UGT1A7: variants seen among roughly 807,000 people sequenced by gnomAD.
UGT1A7 encodes the protein UDP glucuronosyltransferase family 1 member A7.
A neutral mutation model predicts 45.6 loss-of-function variants in UGT1A7; 33 were observed. That is an observed-to-expected ratio of 0.72 (90% CI 0.55 to 0.97). The LOEUF is 0.97. UGT1A7 is among the 50% of genes least tolerant of loss of function. UGT1A7 has a pLI of 0.00. For synonymous variants in UGT1A7, 274 were observed against 250.6 expected (o/e 1.09, Z -0.88); for missense variants, 684 against 666.2 (o/e 1.03, Z -0.29).
intron 1 of UGT1A7, among the ~76,000 whole-genome samples, chr2:233,730,768 A>G (rs1007690415): frequency 3.9e-5 from 6 of 152,134 alleles, no homozygotes; most frequent in African/African-American, 1.4e-4. Flanking sequence ...TGAATCTATA[A>G]GCCCAGTGAA....
chr2:233,682,819 A>G (rs773096125), intron 1 of UGT1A7, 27 bp downstream of exon 1: 27 of 1,578,360 alleles, frequency 1.7e-5, no homozygotes, highest in African/African-American at 4.1e-5. Flanking sequence ...TTAGCACATT[A>G]AGAATAATCT....
At chr2:233,700,272 A>T (rs1488856849) in intron 1 of UGT1A7, among the ~76,000 whole-genome samples, 1 of 152,218 alleles carries the variant, frequency 6.6e-6, no homozygotes, top group East Asian at 1.9e-4. Context: ...CTTAATAGGC[A>T]CTTTTTAAAA....
intron 1 of UGT1A7, among the ~76,000 whole-genome samples, chr2:233,745,130 TG>T (rs1693021871): frequency 6.6e-6 from 1 of 151,922 alleles, no homozygotes; most frequent in Admixed American, 6.5e-5. Flanking sequence ...AATCTGCAGA[TG>T]TGAAGCCCAA....
At chr2:233,723,413 C>T (rs1262463739) in intron 1 of UGT1A7, among the ~76,000 whole-genome samples, 1 of 133,572 alleles carries the variant, frequency 7.5e-6, no homozygotes, top group Non-Finnish European at 1.6e-5. Flanking sequence ...TTTCACCATA[C>T]TGGTCAGGCT....
intron 1 of UGT1A7, among the ~76,000 whole-genome samples, chr2:233,757,413 A>T (rs1189718931): frequency 6.6e-6 from 1 of 151,560 alleles, no homozygotes; most frequent in Non-Finnish European, 1.5e-5. Context: ...AGGGTCTAGA[A>T]CGAAAAGAGA....
chr2:233,686,882 T>A (rs1440121885), intron 1 of UGT1A7, among the ~76,000 whole-genome samples: 1 of 152,212 alleles, frequency 6.6e-6, no homozygotes, highest in Non-Finnish European at 1.5e-5. Context: ...TTTTTCTGCA[T>A]GATTCCTGCC....
Position 233,772,483 on chromosome 2 carries a change from G to C in UGT1A7, c.1517G>C (p.Cys506Ser). The change falls in exon 5 of 5, where the codon TGT (cysteine) becomes TCT (serine). Residue 506 changes from cysteine to serine, a missense_variant. Physicochemically the swap from Cys to Ser is moderately radical, Grantham distance 112. Transcript: ENST00000373426. ...ACAGTGGCCTTCATCACCTTTAAAT[G>C]TTGTGCTTATGGCTACCGGAAATGC... ...VLTVAFITFK[C>S]CAYGYRKCLG... The C allele has an allele frequency of 6.2e-7, 1 of 1,614,146 alleles. No individual in the cohort carries two copies. The highest frequency in any genetic ancestry group is 8.5e-7 in the Non-Finnish European group (1 of 1,180,048).
chr2:233,730,912 A>G (rs941087892), intron 1 of UGT1A7, among the ~76,000 whole-genome samples: 20 of 152,310 alleles, frequency 1.3e-4, no homozygotes, highest in African/African-American at 1.9e-4. Context: ...CAAAAATTTC[A>G]GAGGCAGCTT....
At chr2:233,747,731 G>A in intron 1 of UGT1A7, 1 of 1,612,808 alleles carries the variant, frequency 6.2e-7, no homozygotes, top group South Asian at 1.1e-5. Flanking sequence ...TGTTTTTTTT[G>A]AGGAACATTC....
At chr2:233,758,130 G>A (rs1468544509) in intron 1 of UGT1A7, among the ~76,000 whole-genome samples, 2 of 152,174 alleles carry the variant, frequency 1.3e-5, no homozygotes, top group African/African-American at 4.8e-5. Flanking sequence ...ATAAATATTT[G>A]GCAGATGAGG....
rs1297959872 is a variant in UGT1A7 at position 233,724,603 on chromosome 2, C to T, written c.855+41811C>T. ...CGCTCCCCACATCTCAGACGATGGG[C>T]GGCCGGGCAGAGACGCTCCTCACTT... On this transcript the variant is annotated intron_variant, in intron 1 of 4. Transcript: ENST00000373426. Among the ~76,000 whole-genome samples the T allele has an allele frequency of 1.4e-4, 18 of 132,966 alleles. 2 individuals are homozygous for T. In the South Asian group the frequency reaches 1.5e-3, roughly 11 times the overall value. The allele number at this position is 132,966 out of a possible 152,430, so 87.2% of individuals were successfully genotyped here.
intron 1 of UGT1A7, among the ~76,000 whole-genome samples, chr2:233,724,528 C>T (rs1239231307): frequency 1.8e-5 from 2 of 112,842 alleles, no homozygotes; most frequent in Admixed American, 1.7e-4. Flanking sequence ...GATGGGGTCT[C>T]GCCGGGCAGA....
chr2:233,760,282 G>A (rs2125981806), intron 1 of UGT1A7: 1 of 1,612,868 alleles, frequency 6.2e-7, no homozygotes, highest in Non-Finnish European at 8.5e-7. Flanking sequence ...CAGGAGCAAA[G>A]GCGCCATGGC....
intron 1 of UGT1A7, chr2:233,729,698 C>T: frequency 6.2e-7 from 1 of 1,613,936 alleles, no homozygotes; most frequent in Non-Finnish European, 8.5e-7. Flanking sequence ...CCAAACCCTT[C>T]CTCCTATATT....
intron 1 of UGT1A7, chr2:233,743,777 T>C (rs1692497212): frequency 7.3e-7 from 1 of 1,367,292 alleles, no homozygotes; most frequent in Admixed American, 1.9e-5. Flanking sequence ...GGCCACCTGC[T>C]TGAATCTCCT....
At chr2:233,711,532 G>A (rs1296354324) in intron 1 of UGT1A7, among the ~76,000 whole-genome samples, 12 of 152,124 alleles carry the variant, frequency 7.9e-5, no homozygotes, top group Admixed American at 7.2e-4. Context: ...ACAACTCCCC[G>A]GGAATCATCC....
chr2:233,718,448 A>C (rs1195821608), intron 1 of UGT1A7, among the ~76,000 whole-genome samples: 1 of 152,148 alleles, frequency 6.6e-6, no homozygotes, highest in Admixed American at 6.5e-5. Flanking sequence ...GGCAATGGTG[A>C]CTCCTCAGAC....
intron 1 of UGT1A7, among the ~76,000 whole-genome samples, chr2:233,736,009 A>G (rs1243121159): frequency 6.6e-6 from 1 of 151,786 alleles, no homozygotes; most frequent in Non-Finnish European, 1.5e-5. Context: ...CTTCTCGAGG[A>G]GTATCTTTGT....
At chr2:233,742,512 C>T (rs924249262) in intron 1 of UGT1A7, among the ~76,000 whole-genome samples, 15 of 151,990 alleles carry the variant, frequency 9.9e-5, no homozygotes, top group African/African-American at 3.6e-4. Context: ...ATCATGAACA[C>T]GTCACAGTGC....
Sources: gnomAD v4.1 joint callset for allele counts (sites outside exome capture counted in the v4.1 genomes callset) on GRCh38, gnomAD v4.1.1 for gene constraint, MANE v1.5 for transcripts, NCBI Gene and HGNC (gene_info 2026-07-23, HGNC 2026-07-21) for gene names.